RAP1GAP2: variants seen among roughly 807,000 people sequenced by gnomAD.
RAP1GAP2 encodes rap1 GTPase-activating protein 2.
In RAP1GAP2, 27 loss-of-function variants were observed where a neutral mutation model predicts 95.0. The ratio of observed to expected loss-of-function variants is 0.28; its 90% CI spans 0.21 to 0.39. The LOEUF is 0.39. Among genes scored for constraint, RAP1GAP2 ranks in the 10% least tolerant of loss-of-function variants. RAP1GAP2 has a pLI of 1.00. For missense variants in RAP1GAP2, 771 were observed against 970.0 expected (o/e 0.79, Z 2.72); for synonymous variants, 373 against 380.9 (o/e 0.98, Z 0.24).
chr17:2,787,000 G>A (rs2151457546), intron 1 of RAP1GAP2, among the ~76,000 whole-genome samples: 1 of 136,152 alleles, frequency 7.3e-6, no homozygotes, highest in Admixed American at 8.5e-5. Context: ...CCCCAGGCTG[G>A]TGCGCAGGGG....
chr17:2,874,449 G>A (rs955504223), intron 2 of RAP1GAP2, among the ~76,000 whole-genome samples: 3 of 152,102 alleles, frequency 2.0e-5, no homozygotes, highest in Non-Finnish European at 2.9e-5. Flanking sequence ...CGGAGGCATT[G>A]GAAGCTTGTA....
chr17:2,760,324 A>G (rs1158560279), intron 1 of RAP1GAP2, among the ~76,000 whole-genome samples: 1 of 150,810 alleles, frequency 6.6e-6, no homozygotes, highest in Non-Finnish European at 1.5e-5. Flanking sequence ...GAAAAGAAAA[A>G]AGAAAAATGG....
At chr17:2,930,931 CTGGCCAACA>C (rs2043124515) in intron 3 of RAP1GAP2, among the ~76,000 whole-genome samples, 2 of 152,094 alleles carry the variant, frequency 1.3e-5, no homozygotes, top group South Asian at 4.2e-4. Flanking sequence ...TGAGACCAGC[CTGGCCAACA>C]TGGTGAAACT....
intron 19 of RAP1GAP2, 112 bp from the exon 20 acceptor site, chr17:3,025,896 C>A: frequency 1.3e-6 from 1 of 764,748 alleles, no homozygotes; most frequent in Non-Finnish European, 2.2e-6. Context: ...GGCGGGGGCG[C>A]TCTGACCCCA....
At chr17:2,992,568 G>C (rs2045801002) in intron 12 of RAP1GAP2, among the ~76,000 whole-genome samples, 1 of 152,114 alleles carries the variant, frequency 6.6e-6, no homozygotes, top group African/African-American at 2.4e-5. Flanking sequence ...GATGAGTCCA[G>C]ACCTGGCCAG....
intron 13 of RAP1GAP2, among the ~76,000 whole-genome samples, chr17:2,997,795 C>T (rs897550319): frequency 2.0e-5 from 3 of 151,790 alleles, no homozygotes; most frequent in Non-Finnish European, 4.4e-5. Flanking sequence ...TAGTGTCACG[C>T]GTCTGTAATC....
intron 14 of RAP1GAP2, among the ~76,000 whole-genome samples, chr17:3,002,916 G>A (rs2046211608): frequency 6.6e-6 from 1 of 152,110 alleles, no homozygotes. Context: ...GTGTGTGGTG[G>A]GTTGCAAGGT....
intron 2 of RAP1GAP2, among the ~76,000 whole-genome samples, chr17:2,897,650 A>G (rs2041881245): frequency 6.6e-6 from 1 of 151,846 alleles, no homozygotes; most frequent in South Asian, 2.1e-4. Context: ...GTGAGCCACC[A>G]TACCCAGCCC....
At chr17:2,919,827 C>G (rs1238874787) in intron 3 of RAP1GAP2, among the ~76,000 whole-genome samples, 1 of 152,106 alleles carries the variant, frequency 6.6e-6, no homozygotes, top group Non-Finnish European at 1.5e-5. Flanking sequence ...CTCAGCCTCC[C>G]AAGTAGCTGG....
At chr17:3,024,299 GA>G (rs1249409989) in intron 19 of RAP1GAP2, among the ~76,000 whole-genome samples, 1 of 152,096 alleles carries the variant, frequency 6.6e-6, no homozygotes, top group East Asian at 1.9e-4. Context: ...CAAACCCCTG[GA>G]CAGATTGACA....
intron 2 of RAP1GAP2, among the ~76,000 whole-genome samples, chr17:2,897,107 C>CA (rs1484722509): frequency 2.0e-5 from 3 of 152,152 alleles, no homozygotes; most frequent in African/African-American, 7.2e-5. Context: ...GAGGCTGAGG[C>CA]GGGTAGATCG....
At chr17:2,934,040 C>T (rs1454587197) in intron 3 of RAP1GAP2, among the ~76,000 whole-genome samples, 5 of 152,270 alleles carry the variant, frequency 3.3e-5, no homozygotes, top group African/African-American at 7.2e-5. Context: ...CAGGGTCACC[C>T]GTCTTTGGTC....
intron 16 of RAP1GAP2, 62 bp from the exon 17 acceptor site, chr17:3,007,949 A>G: frequency 6.4e-7 from 1 of 1,567,784 alleles, no homozygotes; most frequent in Non-Finnish European, 8.7e-7. Context: ...GGAGCTCACA[A>G]GGAGCAGGCA....
intron 1 of RAP1GAP2, among the ~76,000 whole-genome samples, chr17:2,799,098 C>T (rs761449709): frequency 2.2e-4 from 33 of 152,230 alleles, no homozygotes; most frequent in Non-Finnish European, 3.5e-4. Flanking sequence ...AAAACCTAAG[C>T]GCCTGCTGTG....
intron 3 of RAP1GAP2, among the ~76,000 whole-genome samples, chr17:2,925,105 A>G (rs1158722340): frequency 6.6e-6 from 1 of 152,208 alleles, no homozygotes; most frequent in African/African-American, 2.4e-5. Context: ...GACAGGAGGC[A>G]GGAGCTGTTG....
chr17:2,823,565 C>T (rs1413524087), intron 2 of RAP1GAP2, among the ~76,000 whole-genome samples: 2 of 152,192 alleles, frequency 1.3e-5, no homozygotes, highest in African/African-American at 4.8e-5. Context: ...GGACGCATGG[C>T]GTAACGTGGG....
rs1597266785 is a variant in RAP1GAP2 at position 2,764,473 on chromosome 17, A to G, written c.51-5856A>G. Among the ~76,000 whole-genome samples the G allele has an allele frequency of 3.9e-5, 6 of 152,110 alleles. No individual in the cohort carries two copies. The Middle Eastern group carries it at 0.017, about 431-fold the overall frequency. On this transcript the variant is annotated intron_variant, in intron 1 of 25. Coordinates refer to the RAP1GAP2 transcript ENST00000637138. ...CGCGGTGGCTCACGCCTGTAATCCT[A>G]GCACTTTGGGAAGCCGAGGCGGGTG... is the stretch of plus-strand genomic sequence containing the variant.
chr17:2,875,465 G>A (rs899437397), intron 2 of RAP1GAP2, among the ~76,000 whole-genome samples: 26 of 152,256 alleles, frequency 1.7e-4, no homozygotes, highest in East Asian at 1.9e-4. Context: ...TTGGCTGTGC[G>A]TTGTTGAGCT....
chr17:2,830,884 C>T (rs1386344811), intron 2 of RAP1GAP2, among the ~76,000 whole-genome samples: 1 of 151,076 alleles, frequency 6.6e-6, no homozygotes, highest in Non-Finnish European at 1.5e-5. Flanking sequence ...AGGTTCTTTC[C>T]AGTGCTTCTT....
Sources: allele counts gnomAD v4.1 joint callset (sites outside exome capture counted in the v4.1 genomes callset), GRCh38; gene constraint gnomAD v4.1.1; transcripts MANE v1.5; gene names NCBI Gene and HGNC (gene_info 2026-07-23, HGNC 2026-07-21).